TCERG1: variants seen among roughly 807,000 people sequenced by gnomAD.
TCERG1 encodes the protein TATA box binding protein (TBP)-associated factor, RNA polymerase II, S, 150kD.
TCERG1 carries 37 observed loss-of-function variants against 144.7 expected under a neutral mutation model. The observed-to-expected ratio is 0.26, with a 90% CI of 0.20 to 0.34. The LOEUF (loss-of-function observed/expected upper bound fraction) is 0.34. Ranked by LOEUF, TCERG1 falls within the 10% of genes least tolerant of loss-of-function variation. The probability of loss-of-function intolerance (pLI) is 1.00; values close to 1 mark genes in which losing one functional copy is unlikely to be tolerated. For synonymous variants in TCERG1, 492 were observed against 458.2 expected (o/e 1.07, Z -0.94); for missense variants, 1,027 against 1,380.7 (o/e 0.74, Z 4.06).
intron 15 of TCERG1, among the ~76,000 whole-genome samples, chr5:146,492,237 G>GA (rs1282496503): frequency 2.6e-5 from 4 of 151,068 alleles, no homozygotes; most frequent in Admixed American, 1.3e-4. Context: ...TCTGGTTTCA[G>GA]AAAAAAAAAC....
intron 14 of TCERG1, among the ~76,000 whole-genome samples, chr5:146,482,939 A>ATAACACT (rs932611288): frequency 3.3e-5 from 5 of 152,192 alleles, no homozygotes; most frequent in Non-Finnish European, 1.5e-5. Flanking sequence ...TTAAGTACAA[A>ATAACACT]TAACACTTAA....
At chr5:146,478,443 TA>T (rs1455982015) in intron 9 of TCERG1, 49 bp from the exon 10 acceptor site, 2 of 1,496,700 alleles carry the variant, frequency 1.3e-6, no homozygotes, top group East Asian at 4.7e-5. Context: ...GTCCTAGCTG[TA>T]AAATATGTTC....
chr5:146,477,604 G>A (rs1581473334), intron 9 of TCERG1, among the ~76,000 whole-genome samples: 1 of 147,750 alleles, frequency 6.8e-6, no homozygotes, highest in East Asian at 2.0e-4. Context: ...TTTCCTTTGA[G>A]TTTTCTAACT....
intron 15 of TCERG1, 43 bp from the exon 16 acceptor site, chr5:146,492,877 A>G (rs948960714): frequency 5.1e-6 from 7 of 1,382,762 alleles, no homozygotes; most frequent in African/African-American, 2.9e-5. Flanking sequence ...TAAATTACCT[A>G]TATGAAAGAT....
At chr5:146,473,918 A>G (rs575604353) in intron 9 of TCERG1, among the ~76,000 whole-genome samples, 42 of 152,324 alleles carry the variant, frequency 2.8e-4, no homozygotes, top group African/African-American at 1.0e-3. Flanking sequence ...AACAACATCC[A>G]GTCTGCAGCC....
chr5:146,469,875 A>AT, intron 7 of TCERG1, 131 bp downstream of exon 7: 1 of 590,488 alleles, frequency 1.7e-6, no homozygotes. Flanking sequence ...TGGATTGTTT[A>AT]TTTTTACTGA....
intron 9 of TCERG1, among the ~76,000 whole-genome samples, chr5:146,472,473 G>A (rs1174401427): frequency 6.6e-6 from 1 of 151,996 alleles, no homozygotes; most frequent in Non-Finnish European, 1.5e-5. Flanking sequence ...TTATGTTACT[G>A]TTGTAATTGT....
At chr5:146,459,968 G>A (rs1763195159) in intron 4 of TCERG1, among the ~76,000 whole-genome samples, 1 of 152,196 alleles carries the variant, frequency 6.6e-6, no homozygotes, top group Non-Finnish European at 1.5e-5. Context: ...GCAAATAGGT[G>A]AGACAGGCAC....
At chr5:146,503,243 A>G (rs1352142771) in intron 17 of TCERG1, 132 bp from the exon 18 acceptor site, 6 of 752,788 alleles carry the variant, frequency 8.0e-6, no homozygotes, top group Non-Finnish European at 1.0e-5. Context: ...CTAAATGCCT[A>G]TATTTTAAAA....
At chr5:146,508,469 G>T (rs1299293555) in intron 21 of TCERG1, among the ~76,000 whole-genome samples, 1 of 151,970 alleles carries the variant, frequency 6.6e-6, no homozygotes, top group East Asian at 1.9e-4. Flanking sequence ...GTAGGTCTGG[G>T]CATCTTTTAT....
At chr5:146,483,493 T>A in intron 14 of TCERG1, 47 bp from the exon 15 acceptor site, 1 of 1,535,432 alleles carries the variant, frequency 6.5e-7, no homozygotes, top group South Asian at 1.2e-5. Flanking sequence ...GACCTTTATA[T>A]TTTTAGAGGA....
intron 5 of TCERG1, among the ~76,000 whole-genome samples, chr5:146,466,398 CA>C (rs1763792996): frequency 6.6e-6 from 1 of 151,786 alleles, no homozygotes; most frequent in African/African-American, 2.4e-5. Flanking sequence ...AGGTAAAATA[CA>C]AGAGTAGGGG....
intron 19 of TCERG1, chr5:146,505,460 AT>A (rs1767897156): frequency 1.6e-5 from 2 of 124,558 alleles, no homozygotes; most frequent in African/African-American, 3.1e-5. Context: ...CCACCTTCAT[AT>A]TTCCTTAACA....
intron 7 of TCERG1, 121 bp from the exon 8 acceptor site, chr5:146,470,515 A>C: frequency 1.3e-6 from 1 of 767,270 alleles, no homozygotes; most frequent in Non-Finnish European, 2.0e-6. Flanking sequence ...GATATAAGGA[A>C]AGACATTTTA....
chr5:146,455,139 G>A lies in TCERG1; in HGVS notation c.143G>A (p.Arg48Gln), dbSNP rs756832260. Residue 48 changes from arginine (R) to glutamine (Q), a missense_variant, in exon 2 of 23, where the codon CGA becomes CAA. Physicochemically the swap from Arg to Gln is conservative, Grantham distance 43 (BLOSUM62 1). Transcript: ENST00000679501. ...AVMRGPPPLM[R>Q]PPPPFGMMRG... Reference sequence around the variant, plus strand: ...ATGCGAGGCCCACCACCTCTGATGCGACCTCCTCCACCTTTTGGTATGATG... The same window carrying A: ...ATGCGAGGCCCACCACCTCTGATGCAACCTCCTCCACCTTTTGGTATGATG... The A allele has an allele frequency of 1.2e-6, 2 of 1,614,110 alleles. No homozygotes were observed. The highest frequency in any genetic ancestry group is 1.7e-6 in the Non-Finnish European group (2 of 1,180,030).
At position 146,489,774 on chromosome 5, in the gene TCERG1, C is replaced by CA. The variant is rs1216740718; in HGVS notation, c.2164-3145dup. Among the ~76,000 whole-genome samples, 11 of 152,126 alleles carry CA rather than the reference C, an allele frequency of 7.2e-5. 1 individual carries two copies. The highest frequency in any genetic ancestry group is 5.9e-4 in the Admixed American group (9 of 15,262). Reference sequence around the variant, plus strand: ...AACAGAATTATTTTTAAAATTTACTCATTTTCATTGTATTATGAAATTTTG... The same window carrying CA: ...AACAGAATTATTTTTAAAATTTACTCAATTTTCATTGTATTATGAAATTTTG... On this transcript the variant is annotated intron_variant, in intron 15 of 22. Transcript: ENST00000679501.
chr5:146,478,752 GA>G (rs2150509139), intron 10 of TCERG1, 99 bp downstream of exon 10: 3 of 1,275,610 alleles, frequency 2.4e-6, no homozygotes, highest in African/African-American at 1.5e-5. Context: ...ATTTTTCAAA[GA>G]ATATAAGAAG....
chr5:146,475,486 T>G (rs764669719), intron 9 of TCERG1, among the ~76,000 whole-genome samples: 2 of 152,186 alleles, frequency 1.3e-5, no homozygotes, highest in Non-Finnish European at 2.9e-5. Flanking sequence ...AAACATCCTA[T>G]TATGCACTGG....
intron 16 of TCERG1, 123 bp from the exon 17 acceptor site, chr5:146,498,413 G>T (rs757337530): frequency 2.1e-5 from 21 of 988,534 alleles, no homozygotes; most frequent in Non-Finnish European, 3.0e-5. Context: ...TCACTGTTAG[G>T]TAGATGTTGA....
Sources: allele counts gnomAD v4.1 joint callset (sites outside exome capture counted in the v4.1 genomes callset), GRCh38; gene constraint gnomAD v4.1.1; transcripts MANE v1.5; gene names NCBI Gene and HGNC (gene_info 2026-07-23, HGNC 2026-07-21).